Variants in TSG101 observed in about 807,000 individuals in gnomAD.
TSG101 encodes tumor susceptibility 101, also known as tumor susceptibility gene 101 protein.
Under a neutral mutation model 48.5 loss-of-function variants are expected in TSG101, and 19 were observed. That is an observed-to-expected ratio of 0.39 (90% CI 0.27 to 0.58). The LOEUF (loss-of-function observed/expected upper bound fraction) is 0.58. TSG101 is among the 20% of genes least tolerant of loss of function. The pLI is 0.55. For synonymous variants in TSG101, 174 were observed against 169.4 expected, an observed-to-expected ratio of 1.03 and a Z score of -0.21; for missense variants, 365 against 484.4, an observed-to-expected ratio of 0.75 and a Z score of 2.31.
chr11:18,517,721 T>C (rs186250887), intron 2 of TSG101, among the ~76,000 whole-genome samples: 17 of 152,354 alleles, frequency 1.1e-4, no homozygotes, highest in Non-Finnish European at 2.2e-4. Context: ...TAGTAGGATA[T>C]ACCATCTAGG....
Position 18,519,589 on chromosome 11 carries a change from G to T in TSG101, c.57C>A (p.Asp19Glu). 1 of 1,611,952 alleles carries T rather than the reference G, an allele frequency of 6.2e-7. No homozygotes were observed. Among genetic ancestry groups the T allele is most frequent in the East Asian group, 2.2e-5 (1 of 44,746 alleles). ...KKMVSKYKYR[D>E]LTVRETVNVI... is the part of the protein sequence containing the mutation. Reference sequence around the variant, plus strand: ...CATTGACAGTTTCACGTACAGTTAGGTCTCTGTATTTGTACTGAAAAGCAA... The same window carrying T: ...CATTGACAGTTTCACGTACAGTTAGTTCTCTGTATTTGTACTGAAAAGCAA... The change falls in exon 2 of 10, where the codon GAC becomes GAA. Residue 19 changes from aspartate (D) to glutamate (E), a missense_variant. Coordinates refer to ENST00000251968, the MANE Select transcript of TSG101 (RefSeq NM_006292.4).
At chr11:18,484,751 C>T (rs1849592923) in intron 7 of TSG101, among the ~76,000 whole-genome samples, 1 of 152,070 alleles carries the variant, frequency 6.6e-6, no homozygotes, top group South Asian at 2.1e-4. Flanking sequence ...AATAAACATC[C>T]TCTGGATATT....
chr11:18,491,536 T>TAAA, intron 7 of TSG101, among the ~76,000 whole-genome samples: 1 of 152,352 alleles, frequency 6.6e-6, no homozygotes, highest in South Asian at 2.1e-4. Context: ...CTAGAAGCTT[T>TAAA]GCACTTGAAA....
In TSG101 at chr11:18,526,635, G is replaced by A. The variant is rs550346566; in HGVS notation, c.42+140C>T. ...CAGGCGACAGGCGCCTCGGGGCGGG[G>A]TTCTGAGGAGGTCGCTAAGGACTGC... On this transcript the variant is annotated intron_variant, in intron 1 of 9. Transcript: ENST00000251968. The A allele has an allele frequency of 4.0e-6, 4 of 994,888 alleles. No individual in the cohort carries two copies. The African/African-American group carries it at 4.9e-5, about 12-fold the overall frequency. 61.6% of individuals were successfully genotyped at this position (994,888 alleles called of 1,614,324 possible).
rs773101737 is a variant in TSG101 at position 18,516,103 on chromosome 11, A to G, written c.189T>C (p.Tyr63=). 8 of 1,613,596 alleles carry G rather than the reference A, an allele frequency of 5.0e-6. No homozygotes were observed. Among genetic ancestry groups the G allele is most frequent in the East Asian group, 2.2e-5 (1 of 44,872 alleles). The part of the protein sequence containing the change: ...MNLTGTIPVP[Y]RGNTYNIPIC... ...GAAACCTAATAAGACATTTACCTCT[A>G]TAAGGCACAGGGATTGTTCCAGTGA... The change falls in exon 3 of 10, where the codon TAT becomes TAC. Residue 63 remains tyrosine (Y), a synonymous_variant. Transcript: ENST00000251968.
Position 18,483,869 on chromosome 11 carries a change from C to T in TSG101, c.843+1G>A. 1 of 1,613,998 alleles carries T rather than the reference C, an allele frequency of 6.2e-7. No homozygotes were observed. Among genetic ancestry groups the T allele is most frequent in the Non-Finnish European group, 8.5e-7 (1 of 1,180,014 alleles). On this transcript the variant is annotated splice_donor_variant, in intron 8 of 9. Transcript: ENST00000251968. LOFTEE classifies it high-confidence loss of function. ...TTTTAAGTCTTTAATGAGTCACTTACTACTTCTTGATCTAAACGGGTAACC... is the reference window on the plus strand; with the variant it reads ...TTTTAAGTCTTTAATGAGTCACTTATTACTTCTTGATCTAAACGGGTAACC...
At chr11:18,517,724 C>T (rs1163389770) in intron 2 of TSG101, among the ~76,000 whole-genome samples, 1 of 152,134 alleles carries the variant, frequency 6.6e-6, no homozygotes, top group Non-Finnish European at 1.5e-5. Context: ...TAGGATATAC[C>T]ATCTAGGTTT....
chr11:18,493,771 C>T (rs768706156), intron 7 of TSG101, among the ~76,000 whole-genome samples: 1 of 152,184 alleles, frequency 6.6e-6, no homozygotes, highest in Non-Finnish European at 1.5e-5. Flanking sequence ...TTTCAGACAA[C>T]TGTATGAGCA....
chr11:18,513,218 G>T (rs577189989), intron 4 of TSG101, among the ~76,000 whole-genome samples: 4 of 148,390 alleles, frequency 2.7e-5, no homozygotes, highest in South Asian at 2.1e-4. Context: ...GTTCTGCTTA[G>T]TTTTTTTTTT....
chr11:18,514,580 T>C, intron 4 of TSG101, 98 bp downstream of exon 4: 1 of 1,008,134 alleles, frequency 9.9e-7, no homozygotes, highest in Non-Finnish European at 1.4e-6. Flanking sequence ...AACTTATCTA[T>C]CCTACCTCGA....
chr11:18,498,288 T>C (rs934586797), intron 7 of TSG101, among the ~76,000 whole-genome samples: 23 of 152,150 alleles, frequency 1.5e-4, no homozygotes, highest in African/African-American at 2.4e-5. Context: ...AGGAAATCAC[T>C]TGAAGGTTTT....
chr11:18,521,359 CT>C (rs917563952), intron 1 of TSG101, among the ~76,000 whole-genome samples: 459 of 99,818 alleles, frequency 4.6e-3, no homozygotes, highest in Admixed American at 0.012. Flanking sequence ...AAACTGATTC[CT>C]TTTTTTTTTT....
chr11:18,525,442 A>T (rs1015546691), intron 1 of TSG101, among the ~76,000 whole-genome samples: 1 of 149,040 alleles, frequency 6.7e-6, no homozygotes, highest in African/African-American at 2.5e-5. Flanking sequence ...GCTACTTGGG[A>T]GGCTAAGGCA....
chr11:18,490,279 G>A (rs924444076), intron 7 of TSG101: 13 of 546,244 alleles, frequency 2.4e-5, no homozygotes, highest in South Asian at 1.5e-4. Context: ...CTGGTTTTCC[G>A]ATGTCCACAG....
intron 7 of TSG101, among the ~76,000 whole-genome samples, chr11:18,486,971 A>G (rs975444542): frequency 6.6e-6 from 1 of 151,844 alleles, no homozygotes; most frequent in African/African-American, 2.4e-5. Context: ...CTTTGTAGGG[A>G]CATGGATGAA....
intron 7 of TSG101, among the ~76,000 whole-genome samples, chr11:18,497,093 A>T (rs1442914301): frequency 6.6e-6 from 1 of 150,610 alleles, no homozygotes; most frequent in Non-Finnish European, 1.5e-5. Flanking sequence ...TGTCTCAAAA[A>T]CAACAACAAC....
intron 7 of TSG101, chr11:18,491,116 G>T (rs1292857226): frequency 6.1e-6 from 1 of 164,674 alleles, no homozygotes; most frequent in East Asian, 1.7e-4. Flanking sequence ...TATTTTTAAA[G>T]TTCAAGCAAA....
intron 7 of TSG101, among the ~76,000 whole-genome samples, chr11:18,489,039 C>G (rs1485885626): frequency 6.6e-6 from 1 of 151,420 alleles, no homozygotes; most frequent in Non-Finnish European, 1.5e-5. Context: ...CGCTGGAACC[C>G]GGGAGGCGGA....
intron 9 of TSG101, 197 bp downstream of exon 9, chr11:18,481,433 C>T (rs976654398): frequency 2.9e-6 from 4 of 1,369,084 alleles, no homozygotes; most frequent in Admixed American, 6.4e-5. Flanking sequence ...GCCCACTTCT[C>T]TTCCCCTGCT....
Sources: gnomAD v4.1 joint callset for allele counts (sites outside exome capture counted in the v4.1 genomes callset) on GRCh38, gnomAD v4.1.1 for gene constraint, MANE v1.5 for transcripts, NCBI Gene and HGNC (gene_info 2026-07-23, HGNC 2026-07-21) for gene names.